LRRC63: variants seen among roughly 807,000 people sequenced by gnomAD.
LRRC63 encodes the protein leucine-rich repeat-containing protein 63.
In LRRC63, 40 loss-of-function variants were observed where a neutral mutation model predicts 49.5. The ratio of observed to expected loss-of-function variants is 0.81; its 90% confidence interval spans 0.63 to 1.05. The LOEUF (loss-of-function observed/expected upper bound fraction) is 1.05, where lower values mean the gene tolerates loss of function less well. Among genes scored for constraint, LRRC63 ranks in the 50% least tolerant of loss-of-function variants. LRRC63 has a pLI of 0.00. For missense variants in LRRC63, 636 were observed against 663.1 expected (o/e 0.96, Z 0.45); for synonymous variants, 191 against 221.1 (o/e 0.86, Z 1.21).
At chr13:46,274,134 G>A (rs575826633) in intron 9 of LRRC63, among the ~76,000 whole-genome samples, 5 of 152,180 alleles carry the variant, frequency 3.3e-5, no homozygotes, top group African/African-American at 1.2e-4. Flanking sequence ...TCCATAACAG[G>A]TAAGGAGGGA....
intron 5 of LRRC63, among the ~76,000 whole-genome samples, chr13:46,246,206 A>G (rs186786058): frequency 2.2e-4 from 33 of 152,294 alleles, no homozygotes; most frequent in Admixed American, 1.2e-3. Flanking sequence ...AGATGCTGCC[A>G]TGCTTTCTTT....
At chr13:46,257,110 T>C (rs1213428345) in intron 7 of LRRC63, among the ~76,000 whole-genome samples, 1 of 152,188 alleles carries the variant, frequency 6.6e-6, no homozygotes, top group Admixed American at 6.5e-5. Context: ...ACCTGAGGAC[T>C]TGACTTGCTT....
At chr13:46,214,225 T>G (rs2046180605) in intron 2 of LRRC63, among the ~76,000 whole-genome samples, 3 of 152,240 alleles carry the variant, frequency 2.0e-5, no homozygotes, top group Non-Finnish European at 4.4e-5. Flanking sequence ...ATACCTAGTC[T>G]ATAACTTGAT....
intron 7 of LRRC63, among the ~76,000 whole-genome samples, chr13:46,253,220 A>G (rs1490202891): frequency 6.6e-6 from 1 of 152,020 alleles, no homozygotes; most frequent in East Asian, 1.9e-4. Context: ...CAAAGTAAAA[A>G]AAAAAAGTCA....
At chr13:46,276,828 GTA>G (rs375853565) in exon 10 of LRRC63, 3,614 of 139,398 alleles carry the variant, frequency 0.026, 48 homozygotes, top group Middle Eastern at 0.042. Context: ...GTATGTGTGT[GTA>G]TATATATATA....
chr13:46,254,163 G>A (rs2047452371), intron 7 of LRRC63, among the ~76,000 whole-genome samples: 1 of 152,178 alleles, frequency 6.6e-6, no homozygotes, highest in African/African-American at 2.4e-5. Context: ...AAGCCAGCTT[G>A]CAGTGGGTTG....
At chr13:46,235,578 G>C (rs1353020241) in intron 5 of LRRC63, among the ~76,000 whole-genome samples, 6 of 152,072 alleles carry the variant, frequency 3.9e-5, no homozygotes, top group Non-Finnish European at 7.4e-5. Flanking sequence ...TAATTATTAA[G>C]ATGTCCAGTT....
At chr13:46,263,892 C>T (rs2047647796) in intron 8 of LRRC63, among the ~76,000 whole-genome samples, 1 of 152,200 alleles carries the variant, frequency 6.6e-6, no homozygotes, top group Non-Finnish European at 1.5e-5. Flanking sequence ...TGGAACCTGG[C>T]CGTGTCTCTT....
intron 4 of LRRC63, among the ~76,000 whole-genome samples, chr13:46,229,585 G>GA (rs2046683744): frequency 6.6e-6 from 1 of 152,156 alleles, no homozygotes; most frequent in South Asian, 2.1e-4. Context: ...ACTTGAGGGA[G>GA]AAAATCTTGG....
chr13:46,261,643 A>G (rs1446241628), intron 7 of LRRC63, among the ~76,000 whole-genome samples: 1 of 152,182 alleles, frequency 6.6e-6, no homozygotes, highest in Non-Finnish European at 1.5e-5. Flanking sequence ...AACAACAACA[A>G]CAAAAAAGTA....
chr13:46,249,502 A>G (rs1021081208), intron 6 of LRRC63, among the ~76,000 whole-genome samples: 2 of 151,922 alleles, frequency 1.3e-5, no homozygotes, highest in Non-Finnish European at 2.9e-5. Context: ...AAATAACTGT[A>G]TACCAATCAA....
chr13:46,257,434 G>T (rs1432071490), intron 7 of LRRC63, among the ~76,000 whole-genome samples: 1 of 151,856 alleles, frequency 6.6e-6, no homozygotes, highest in African/African-American at 2.4e-5. Context: ...ATTTGTTAAT[G>T]GCAGTAACAG....
intron 7 of LRRC63, among the ~76,000 whole-genome samples, chr13:46,256,711 G>A (rs1321947445): frequency 6.6e-6 from 1 of 152,160 alleles, no homozygotes; most frequent in African/African-American, 2.4e-5. Flanking sequence ...TATATCTGGA[G>A]CCTCACCTAT....
At chr13:46,238,487 AAT>A (rs1256557094) in intron 5 of LRRC63, among the ~76,000 whole-genome samples, 2 of 148,228 alleles carry the variant, frequency 1.3e-5, no homozygotes, top group Admixed American at 6.6e-5. Flanking sequence ...AAAGAGGTTT[AAT>A]GGACTGACAG....
At chr13:46,245,603 G>A (rs1566495676) in intron 5 of LRRC63, among the ~76,000 whole-genome samples, 1 of 152,038 alleles carries the variant, frequency 6.6e-6, no homozygotes, top group African/African-American at 2.4e-5. Context: ...AGCACTAAGT[G>A]TTTGGAAATC....
chr13:46,225,077 C>G (rs2046529729), intron 2 of LRRC63, among the ~76,000 whole-genome samples: 1 of 152,156 alleles, frequency 6.6e-6, no homozygotes, highest in African/African-American at 2.4e-5. Flanking sequence ...GGTGACTGAA[C>G]AGGTTCTCAC....
exon 10 of LRRC63, chr13:46,276,638 T>G (rs1045441117): frequency 1.6e-6 from 2 of 1,231,330 alleles, no homozygotes; most frequent in African/African-American, 3.1e-5. Context: ...GTGAAGGTTT[T>G]CGTGTCATCC....
At chr13:46,237,687 A>G (rs1056052805) in intron 5 of LRRC63, among the ~76,000 whole-genome samples, 1 of 152,174 alleles carries the variant, frequency 6.6e-6, no homozygotes, top group Admixed American at 6.5e-5. Context: ...TCAATAAAAT[A>G]AACAAATCAT....
chr13:46,248,467 C>T (rs1292387036), intron 6 of LRRC63, among the ~76,000 whole-genome samples: 2 of 151,668 alleles, frequency 1.3e-5, no homozygotes, highest in African/African-American at 4.8e-5. Flanking sequence ...ATATATCATG[C>T]AAACAGCAAC....
Sources: allele counts gnomAD v4.1 joint callset (sites outside exome capture counted in the v4.1 genomes callset), GRCh38; gene constraint gnomAD v4.1.1; transcripts MANE v1.5; gene names NCBI Gene and HGNC (gene_info 2026-07-23, HGNC 2026-07-21).